The following KCNJ6 variants were observed in gnomAD, a reference collection of about 807,000 sequenced individuals.
KCNJ6 encodes potassium inwardly rectifying channel subfamily J member 6.
KCNJ6 carries 9 observed loss-of-function variants against 34.2 expected under a neutral mutation model. The ratio of observed to expected loss-of-function variants is 0.26; its 90% CI spans 0.16 to 0.46. The LOEUF (loss-of-function observed/expected upper bound fraction) is 0.46, where lower values mean the gene tolerates loss of function less well. Ranked by LOEUF, KCNJ6 falls within the 20% of genes least tolerant of loss-of-function variation. The pLI, the probability that KCNJ6 is intolerant of heterozygous loss-of-function variation, is 1.00. For synonymous variants in KCNJ6, 196 were observed against 207.1 expected (o/e 0.95, Z 0.46); for missense variants, 236 against 531.3 (o/e 0.44, Z 5.46).
intron 3 of KCNJ6, among the ~76,000 whole-genome samples, chr21:37,646,914 C>G (rs1374823537): frequency 1.3e-5 from 2 of 152,072 alleles, no homozygotes; most frequent in East Asian, 1.9e-4. Context: ...ACCTCGTGAT[C>G]CGCCCACCTC....
intron 2 of KCNJ6, among the ~76,000 whole-genome samples, chr21:37,839,742 T>C (rs1480056366): frequency 2.0e-5 from 3 of 152,250 alleles, no homozygotes; most frequent in Non-Finnish European, 4.4e-5. Context: ...GATTTCATCA[T>C]AGAAAACTGC....
At chr21:37,667,130 C>G (rs1047942192) in intron 3 of KCNJ6, among the ~76,000 whole-genome samples, 1 of 81,542 alleles carries the variant, frequency 1.2e-5, no homozygotes, top group Non-Finnish European at 2.3e-5. Flanking sequence ...CTCCGAGAAA[C>G]ACCCAAGAAT....
chr21:37,796,542 C>G (rs1462566867), intron 2 of KCNJ6, among the ~76,000 whole-genome samples: 2 of 152,094 alleles, frequency 1.3e-5, no homozygotes, highest in Non-Finnish European at 2.9e-5. Context: ...TATTTGCAAT[C>G]AAGTGCTTGG....
At chr21:37,831,084 G>T (rs1012605604) in intron 2 of KCNJ6, among the ~76,000 whole-genome samples, 1 of 152,206 alleles carries the variant, frequency 6.6e-6, no homozygotes, top group Non-Finnish European at 1.5e-5. Context: ...CATGGCTCAG[G>T]CCTTCTAGTC....
chr21:37,760,817 G>T (rs1293759147), intron 2 of KCNJ6, among the ~76,000 whole-genome samples: 1 of 152,202 alleles, frequency 6.6e-6, no homozygotes, highest in East Asian at 1.9e-4. Flanking sequence ...TCTCACCTGG[G>T]CTGGGAATGA....
chr21:37,786,583 C>T (rs976994416), intron 2 of KCNJ6, among the ~76,000 whole-genome samples: 2 of 152,212 alleles, frequency 1.3e-5, no homozygotes, highest in Non-Finnish European at 2.9e-5. Context: ...CGATTGGTGG[C>T]CTCAAAGACT....
At chr21:37,667,239 G>T (rs141555144) in intron 3 of KCNJ6, among the ~76,000 whole-genome samples, 1 of 148,334 alleles carries the variant, frequency 6.7e-6, no homozygotes. Flanking sequence ...ATGTAACAAG[G>T]GCCGATGAGT....
chr21:37,728,745 T>C (rs2054868873), intron 2 of KCNJ6, among the ~76,000 whole-genome samples: 2 of 152,074 alleles, frequency 1.3e-5, no homozygotes, highest in African/African-American at 4.8e-5. Context: ...GAGAAAAGCG[T>C]ATGGAGAGAG....
chr21:37,633,634 T>C (rs545976424), intron 3 of KCNJ6, among the ~76,000 whole-genome samples: 2 of 152,170 alleles, frequency 1.3e-5, no homozygotes, highest in Admixed American at 6.5e-5. Context: ...TAAAAATCTA[T>C]GCAGAAAACT....
chr21:37,741,198 C>T (rs902422624), intron 2 of KCNJ6, among the ~76,000 whole-genome samples: 1 of 152,138 alleles, frequency 6.6e-6, no homozygotes, highest in African/African-American at 2.4e-5. Flanking sequence ...AACATTTTTT[C>T]AAGACAGAGA....
intron 1 of KCNJ6, among the ~76,000 whole-genome samples, chr21:37,854,047 A>G (rs145086271): frequency 5.3e-4 from 80 of 151,598 alleles, no homozygotes; most frequent in Admixed American, 5.2e-3. Flanking sequence ...AAAAACAAAT[A>G]GAAAACAAAA....
chr21:37,655,219 GTGTGTGAGAGAGAGA>G (rs2054455387), intron 3 of KCNJ6, among the ~76,000 whole-genome samples: 6 of 91,674 alleles, frequency 6.5e-5, no homozygotes, highest in African/African-American at 2.2e-4. Context: ...GTGTGTGTGT[GTGTGTGAGAGAGAGA>G]GAGAGAGAGA....
In KCNJ6 at chr21:37,808,561, CT is replaced by C. The variant is rs2055305211; in HGVS notation, c.25+32096del. Among the ~76,000 whole-genome samples the C allele has an allele frequency of 1.3e-5, 2 of 152,198 alleles. 1 individual carries two copies. Among genetic ancestry groups the C allele is most frequent in the Non-Finnish European group, 2.9e-5 (2 of 68,020 alleles). On this transcript the variant is annotated intron_variant, in intron 2 of 3. Transcript: ENST00000609713. ...GCTAATCCAATAATAACGCTATTGACTTTTCCTTGTGTTAAAAATCAAATTT... is the reference window on the plus strand; with the variant it reads ...GCTAATCCAATAATAACGCTATTGACTTTCCTTGTGTTAAAAATCAAATTT...
chr21:37,649,222 A>C (rs115810864), intron 3 of KCNJ6, among the ~76,000 whole-genome samples: 1 of 151,350 alleles, frequency 6.6e-6, no homozygotes, highest in African/African-American at 2.4e-5. Flanking sequence ...CTTATCTTAC[A>C]TTTCCTCAAG....
At chr21:37,768,865 G>T (rs1338405988) in intron 2 of KCNJ6, among the ~76,000 whole-genome samples, 3 of 152,190 alleles carry the variant, frequency 2.0e-5, no homozygotes, top group Admixed American at 6.5e-5. Flanking sequence ...ATGGGAAGGG[G>T]CACTTATTTT....
intron 1 of KCNJ6, among the ~76,000 whole-genome samples, chr21:37,889,744 A>G (rs1001387215): frequency 6.6e-6 from 1 of 152,162 alleles, no homozygotes; most frequent in African/African-American, 2.4e-5. Flanking sequence ...CTACAGACCC[A>G]TCACTCCAAT....
intron 2 of KCNJ6, among the ~76,000 whole-genome samples, chr21:37,734,096 G>T (rs1300616628): frequency 2.0e-5 from 3 of 152,198 alleles, no homozygotes; most frequent in African/African-American, 7.2e-5. Flanking sequence ...TCATCCTGTT[G>T]TGTACCCTGA....
chr21:37,698,561 G>A (rs1488118940), intron 3 of KCNJ6, among the ~76,000 whole-genome samples: 3 of 152,160 alleles, frequency 2.0e-5, no homozygotes, highest in East Asian at 1.9e-4. Context: ...ACAGGATCTC[G>A]CTCTGTTGCC....
At chr21:37,887,189 T>C (rs2055740192) in intron 1 of KCNJ6, among the ~76,000 whole-genome samples, 1 of 152,102 alleles carries the variant, frequency 6.6e-6, no homozygotes, top group East Asian at 1.9e-4. Flanking sequence ...GCTCCCAAAG[T>C]GAAATAACTC....
Sources: allele counts gnomAD v4.1 joint callset (sites outside exome capture counted in the v4.1 genomes callset), GRCh38; gene constraint gnomAD v4.1.1; transcripts MANE v1.5; gene names NCBI Gene and HGNC (gene_info 2026-07-23, HGNC 2026-07-21).